The following FNBP4 variants were observed in gnomAD, a reference collection of about 807,000 sequenced individuals.
The protein encoded by FNBP4 is formin binding protein 4.
FNBP4 carries 34 observed loss-of-function variants against 119.3 expected under a neutral mutation model. The ratio of observed to expected loss-of-function variants is 0.28; its 90% CI spans 0.22 to 0.38. The LOEUF is 0.38. Among genes scored for constraint, FNBP4 ranks in the 10% least tolerant of loss-of-function variants. FNBP4 has a pLI of 1.00. For synonymous variants in FNBP4, 462 were observed against 430.6 expected, an observed-to-expected ratio of 1.07 and a Z score of -0.90; for missense variants, 1,112 against 1,228.9, an observed-to-expected ratio of 0.90 and a Z score of 1.42.
At chr11:47,740,366 C>T (rs1276426204) in intron 8 of FNBP4, among the ~76,000 whole-genome samples, 1 of 149,420 alleles carries the variant, frequency 6.7e-6, no homozygotes, top group Non-Finnish European at 1.5e-5. Context: ...GAGCCACGAT[C>T]GTGACACTGC....
At chr11:47,762,211 A>C (rs1599267453) in intron 2 of FNBP4, among the ~76,000 whole-genome samples, 1 of 150,706 alleles carries the variant, frequency 6.6e-6, no homozygotes, top group African/African-American at 2.4e-5. Context: ...AGCTCATTGC[A>C]ACCTCCGCCT....
intron 15 of FNBP4, among the ~76,000 whole-genome samples, chr11:47,721,149 G>GT (rs2097555228): frequency 6.6e-6 from 1 of 151,076 alleles, no homozygotes; most frequent in Non-Finnish European, 1.5e-5. Flanking sequence ...GTGAAACCCC[G>GT]TCTCTACTAA....
intron 8 of FNBP4, among the ~76,000 whole-genome samples, chr11:47,738,481 C>T (rs564910625): frequency 4.3e-4 from 66 of 152,104 alleles, no homozygotes; most frequent in African/African-American, 1.5e-3. Context: ...AGGAGAATCG[C>T]TTGAACCTGG....
chr11:47,751,427 G>A (rs1371196497), intron 4 of FNBP4, 137 bp from the exon 5 acceptor site: 2 of 943,568 alleles, frequency 2.1e-6, no homozygotes, highest in Admixed American at 2.2e-5. Context: ...TGTTGTGGAG[G>A]GGCAATCCTA....
chr11:47,746,107 C>T lies in FNBP4; in HGVS notation c.1194G>A (p.Glu398=), dbSNP rs1334332014. Residue 398 remains glutamate (E), a synonymous_variant, in exon 7 of 17, where the codon GAG becomes GAA. Coordinates refer to ENST00000263773, the MANE Select transcript of FNBP4 (RefSeq NM_015308.5). ...CSVVQSGESE[E]EEEQDTLELE... is the part of the protein sequence containing the mutation. ...GTTCAAGGGTATCTTGTTCCTCTTCCTCCTCACTTTCTCCAGATTGGACAA... is the reference window on the plus strand; with the variant it reads ...GTTCAAGGGTATCTTGTTCCTCTTCTTCCTCACTTTCTCCAGATTGGACAA... 1 of 1,611,364 alleles carries T rather than the reference C, an allele frequency of 6.2e-7. No individual in the cohort carries two copies. Among genetic ancestry groups the T allele is most frequent in the South Asian group, 1.1e-5 (1 of 89,936 alleles).
intron 2 of FNBP4, 35 bp from the exon 3 acceptor site, chr11:47,754,699 CA>C (rs759401426): frequency 7.1e-5 from 114 of 1,606,620 alleles, no homozygotes; most frequent in Non-Finnish European, 8.5e-5. Context: ...TTTGTAACAA[CA>C]ATGTCAATAT....
intron 8 of FNBP4, 98 bp from the exon 9 acceptor site, chr11:47,736,838 T>C: frequency 9.1e-7 from 1 of 1,100,750 alleles, no homozygotes; most frequent in Admixed American, 2.6e-5. Flanking sequence ...AGATTATTAG[T>C]TCTTTCTCTC....
intron 2 of FNBP4, among the ~76,000 whole-genome samples, chr11:47,763,308 A>G (rs1471289682): frequency 1.3e-5 from 2 of 151,916 alleles, no homozygotes; most frequent in African/African-American, 4.8e-5. Flanking sequence ...TACTAAAAAT[A>G]CAAAAATTAG....
intron 7 of FNBP4, 132 bp from the exon 8 acceptor site, chr11:47,744,295 A>G (rs1468766699): frequency 2.6e-6 from 2 of 777,402 alleles, no homozygotes; most frequent in Non-Finnish European, 4.1e-6. Context: ...TTTTTTGGAG[A>G]CAGGCTCTCC....
chr11:47,750,069 C>T (rs1052785541), intron 6 of FNBP4, among the ~76,000 whole-genome samples: 16 of 152,086 alleles, frequency 1.1e-4, no homozygotes, highest in African/African-American at 3.9e-4. Flanking sequence ...CTGTGATACC[C>T]TAAAGCTCTC....
chr11:47,732,971 A>G lies in FNBP4; in HGVS notation c.1687-301T>C, dbSNP rs1177715288. On this transcript the variant is annotated intron_variant, in intron 10 of 16. Transcript: ENST00000263773. This position sits in a 1 kb window ranked among gnomAD's most constrained non-coding sequence, Gnocchi z 4.2. ...TGTCTGTACTAAAAATACAAAAATTAGCTGGGCTTGGTGGCAGGCGCCTGT... is the reference window on the plus strand; with the variant it reads ...TGTCTGTACTAAAAATACAAAAATTGGCTGGGCTTGGTGGCAGGCGCCTGT... Among the ~76,000 whole-genome samples, 1 of 152,106 alleles carries G rather than the reference A, an allele frequency of 6.6e-6. No homozygotes were observed. The highest frequency in any genetic ancestry group is 1.9e-4 in the East Asian group (1 of 5,182).
intron 6 of FNBP4, among the ~76,000 whole-genome samples, chr11:47,750,663 T>C (rs1224394741): frequency 9.2e-6 from 1 of 108,982 alleles, no homozygotes; most frequent in African/African-American, 3.7e-5. Context: ...TACTCCAGCC[T>C]GGGTGACGGG....
At position 47,761,266 on chromosome 11, in the gene FNBP4, C is replaced by T. The variant is rs1332332075; in HGVS notation, c.313+4004G>A. Reference sequence around the variant, plus strand: ...AAGTTAGAGTAACACTGAAAATAAACGTTCACATTATCAGGTAAAATTGCT... The same window carrying T: ...AAGTTAGAGTAACACTGAAAATAAATGTTCACATTATCAGGTAAAATTGCT... On this transcript the variant is annotated intron_variant, in intron 2 of 16. Coordinates refer to ENST00000263773, the MANE Select transcript of FNBP4 (RefSeq NM_015308.5). Among the ~76,000 whole-genome samples the T allele has an allele frequency of 3.9e-5, 6 of 152,062 alleles. No individual in the cohort carries two copies. The East Asian group carries it at 5.8e-4, about 15-fold the overall frequency.
chr11:47,763,888 T>C (rs981870590), intron 2 of FNBP4, among the ~76,000 whole-genome samples: 1 of 152,156 alleles, frequency 6.6e-6, no homozygotes, highest in Non-Finnish European at 1.5e-5. Context: ...GGGATGGTGC[T>C]ACACAATTTG....
At chr11:47,726,522 C>T (rs972774963) in intron 12 of FNBP4, 2 of 147,274 alleles carry the variant, frequency 1.4e-5, no homozygotes, top group Non-Finnish European at 3.0e-5. Flanking sequence ...GTATAAAAGA[C>T]TTTAACAACA....
At chr11:47,736,470 G>A (rs183748089) in intron 9 of FNBP4, 146 bp downstream of exon 9, 1 of 552,706 alleles carries the variant, frequency 1.8e-6, no homozygotes, top group Admixed American at 3.4e-5. Flanking sequence ...GCAGGAGAAT[G>A]GCTTGAACCC....
Position 47,746,170 on chromosome 11 carries a change from G to A in FNBP4, c.1131C>T (p.Asp377=). ...CCTCCTGAGAAGGGTCTTCTATATT[G>A]TCCAACATAATTTCCTGTGGCTTTA... ...TIVKPQEIML[D]NIEDPSQEDL... Residue 377 remains aspartate (D), a synonymous_variant, in exon 7 of 17, where the codon GAC becomes GAT. Coordinates refer to ENST00000263773, the MANE Select transcript of FNBP4 (RefSeq NM_015308.5). The A allele has an allele frequency of 6.2e-7, 1 of 1,614,098 alleles. No individual in the cohort carries two copies. The highest frequency in any genetic ancestry group is 8.5e-7 in the Non-Finnish European group (1 of 1,180,012).
chr11:47,753,130 A>G, intron 3 of FNBP4, 28 bp from the exon 4 acceptor site: 1 of 1,549,042 alleles, frequency 6.5e-7, no homozygotes, highest in South Asian at 1.2e-5. Flanking sequence ...TAACAAATGC[A>G]GTAATTATAT....
At chr11:47,753,382 G>A (rs945021107) in intron 3 of FNBP4, among the ~76,000 whole-genome samples, 34 of 152,082 alleles carry the variant, frequency 2.2e-4, no homozygotes, top group African/African-American at 7.0e-4. Context: ...CGGCCAAGGC[G>A]GGCGGATCAC....
Sources: gnomAD v4.1 joint callset for allele counts (sites outside exome capture counted in the v4.1 genomes callset) on GRCh38, gnomAD v4.1.1 for gene constraint, Gnocchi (gnomAD v3.1) non-coding constraint, MANE v1.5 for transcripts, NCBI Gene and HGNC (gene_info 2026-07-23, HGNC 2026-07-21) for gene names.